Variants in GASK1A observed in about 807,000 individuals in gnomAD.
GASK1A encodes golgi associated kinase 1A.
In GASK1A, 40 loss-of-function variants were observed where a neutral mutation model predicts 41.2. The observed-to-expected ratio is 0.97, with a 90% CI of 0.75 to 1.27. The LOEUF (loss-of-function observed/expected upper bound fraction) is 1.27, where lower values mean the gene tolerates loss of function less well. Ranked by LOEUF, GASK1A falls within the 50% of genes most tolerant of loss-of-function variation. The pLI is 0.00. For missense variants in GASK1A, 678 were observed against 745.1 expected (o/e 0.91, Z 1.05); for synonymous variants, 316 against 307.1 (o/e 1.03, Z -0.30).
At chr3:43,038,103 C>A (rs2089614094) in intron 2 of GASK1A, among the ~76,000 whole-genome samples, 1 of 152,160 alleles carries the variant, frequency 6.6e-6, no homozygotes, top group African/African-American at 2.4e-5. Context: ...AAGTTGAAAT[C>A]ATAGAAGATG....
At chr3:43,016,446 G>C (rs1274128586) in intron 1 of GASK1A, among the ~76,000 whole-genome samples, 1 of 151,492 alleles carries the variant, frequency 6.6e-6, no homozygotes, top group African/African-American at 2.4e-5. Context: ...ATGACAGGAA[G>C]GGCAGTGTAA....
chr3:43,032,182 C>A, intron 1 of GASK1A, 85 bp from the exon 2 acceptor site: 1 of 1,090,084 alleles, frequency 9.2e-7, no homozygotes, highest in Non-Finnish European at 1.3e-6. Flanking sequence ...CTGAGCACCT[C>A]ATTTGCTTAC....
intron 1 of GASK1A, among the ~76,000 whole-genome samples, chr3:43,006,512 G>T (rs2089436486): frequency 6.6e-6 from 1 of 152,206 alleles, no homozygotes; most frequent in South Asian, 2.1e-4. Context: ...TGAAGGCTTT[G>T]CTCAATGGTG....
intron 1 of GASK1A, among the ~76,000 whole-genome samples, chr3:43,023,370 C>T (rs143047811): frequency 6.6e-6 from 1 of 152,320 alleles, no homozygotes; most frequent in East Asian, 1.9e-4. Flanking sequence ...TGTGGAACTT[C>T]TGGCCTCCAG....
chr3:43,053,691 T>C (rs2089702991), intron 3 of GASK1A, 48 bp downstream of exon 3: 2 of 1,547,782 alleles, frequency 1.3e-6, no homozygotes, highest in Non-Finnish European at 1.7e-6. Flanking sequence ...CCCAGGTCTT[T>C]CTGTGTCCTT....
At chr3:43,025,546 G>A (rs1391629147) in intron 1 of GASK1A, among the ~76,000 whole-genome samples, 1 of 152,204 alleles carries the variant, frequency 6.6e-6, no homozygotes, top group East Asian at 1.9e-4. Flanking sequence ...CCTGGTCCAT[G>A]TCACTCCAAA....
chr3:43,024,753 G>A (rs893300974), intron 1 of GASK1A, among the ~76,000 whole-genome samples: 30 of 152,184 alleles, frequency 2.0e-4, no homozygotes, highest in Admixed American at 2.0e-4. Flanking sequence ...CAGGCACTGT[G>A]ATAGTCTGGA....
intron 1 of GASK1A, among the ~76,000 whole-genome samples, chr3:43,001,736 G>C (rs995832548): frequency 3.3e-5 from 5 of 152,150 alleles, no homozygotes; most frequent in African/African-American, 1.2e-4. Flanking sequence ...GGGCCCCTGC[G>C]GATGTAATTA....
At chr3:43,041,463 C>G (rs1282970775) in intron 2 of GASK1A, among the ~76,000 whole-genome samples, 2 of 152,348 alleles carry the variant, frequency 1.3e-5, no homozygotes, top group African/African-American at 4.8e-5. Context: ...ATTTGCATTT[C>G]TCTGATGGCC....
At chr3:43,026,667 A>G (rs1030697038) in intron 1 of GASK1A, among the ~76,000 whole-genome samples, 1 of 152,194 alleles carries the variant, frequency 6.6e-6, no homozygotes, top group African/African-American at 2.4e-5. Context: ...TATTAGGTAA[A>G]ACACAGTAAG....
At chr3:43,035,994 G>T (rs1559405576) in intron 2 of GASK1A, among the ~76,000 whole-genome samples, 1 of 152,230 alleles carries the variant, frequency 6.6e-6, no homozygotes, top group Non-Finnish European at 1.5e-5. Context: ...GGGGATGCCT[G>T]TAGGGGTGTC....
intron 1 of GASK1A, among the ~76,000 whole-genome samples, chr3:42,997,248 G>A (rs1022798022): frequency 3.9e-5 from 6 of 152,220 alleles, no homozygotes; most frequent in African/African-American, 1.4e-4. Context: ...AGTTTTGTGT[G>A]TGAAGTGTCT....
In GASK1A at chr3:43,057,392, T is replaced by G. The variant is rs562808865; in HGVS notation, c.*1006T>G. Reference sequence around the variant, plus strand: ...ACTGCCAAATTGCTCTCTGAAATGGTGGTGTCAATTTACATTTCTCCCAAG... The same window carrying G: ...ACTGCCAAATTGCTCTCTGAAATGGGGGTGTCAATTTACATTTCTCCCAAG... On this transcript the variant is annotated 3_prime_UTR_variant, in exon 5 of 5. Transcript: ENST00000430121. 6.6e-6 allele frequency: 1 copy of G among 152,310 alleles called. No individual in the cohort carries two copies. Among genetic ancestry groups the G allele is most frequent in the Non-Finnish European group, 1.5e-5 (1 of 68,028 alleles). 9.4% of individuals were successfully genotyped at this position (152,310 alleles called of 1,614,324 possible).
At chr3:43,002,112 TAGGTCCGC>T (rs1159747052) in intron 1 of GASK1A, among the ~76,000 whole-genome samples, 4 of 152,206 alleles carry the variant, frequency 2.6e-5, no homozygotes, top group African/African-American at 4.8e-5. Context: ...TGGAGCCAGG[TAGGTCCGC>T]ATTCAAACAT....
intron 1 of GASK1A, among the ~76,000 whole-genome samples, chr3:43,000,208 G>A (rs1305659537): frequency 1.3e-5 from 2 of 150,768 alleles, no homozygotes; most frequent in African/African-American, 4.9e-5. Context: ...AGAGCGGTCA[G>A]GCTGGAGCTG....
rs537741985 is a variant in GASK1A at position 43,053,539 on chromosome 3, C to T, written c.1309C>T (p.Arg437Cys). The change falls in exon 3 of 5, where the codon CGC (arginine) becomes TGC (cysteine). Residue 437 changes from arginine (R) to cysteine (C), a missense_variant. By Grantham distance (180) the Arg-to-Cys change is radical. Coordinates refer to ENST00000430121, the MANE Select transcript of GASK1A (RefSeq NM_001129908.3). ...TCCACAGGTCCACGACCGCTTGGAT[C>T]GCTACTGCTGTGGCTTCGAGCCTGA... Reference protein sequence around the residue: ...FLLQVHDRLDRYCCGFEPEPS... With the variant: ...FLLQVHDRLDCYCCGFEPEPS... 27 of 1,549,466 alleles carry T rather than the reference C, an allele frequency of 1.7e-5. No homozygotes were observed. The highest frequency in any genetic ancestry group is 1.7e-4 in the Middle Eastern group (1 of 5,984).
chr3:43,016,925 G>GAAGGGGCTGTGTGAAGTCCCAGA (rs1244609424), intron 1 of GASK1A, among the ~76,000 whole-genome samples: 3 of 106,462 alleles, frequency 2.8e-5, no homozygotes, highest in African/African-American at 1.0e-4. Context: ...GAAGTCCCAG[G>GAAGGGGCTGTGTGAAGTCCCAGA]AAGGGGCTGT....
chr3:43,015,776 AAGGGGCAGGGCAGTGTGAAGTAACAGGG>A (rs1219039734), intron 1 of GASK1A, among the ~76,000 whole-genome samples: 8 of 150,756 alleles, frequency 5.3e-5, no homozygotes, highest in Non-Finnish European at 8.8e-5. Context: ...AAGTCACAGG[AAGGGGCAGGGCAGTGTGAAGTAACAGGG>A]AGGGGCAGGG....
intron 1 of GASK1A, among the ~76,000 whole-genome samples, chr3:42,999,496 G>A (rs913790036): frequency 2.0e-5 from 3 of 152,224 alleles, no homozygotes; most frequent in African/African-American, 7.2e-5. Flanking sequence ...GGCTTCAGTG[G>A]CTGGCTCTCT....
Sources: allele counts gnomAD v4.1 joint callset (sites outside exome capture counted in the v4.1 genomes callset), GRCh38; gene constraint gnomAD v4.1.1; transcripts MANE v1.5; gene names NCBI Gene and HGNC (gene_info 2026-07-23, HGNC 2026-07-21).